The following CACNA1C variants were observed in gnomAD, a reference collection of about 807,000 sequenced individuals.
The protein encoded by CACNA1C is voltage-dependent L-type calcium channel subunit alpha-1C.
Under a neutral mutation model 229.0 loss-of-function variants are expected in CACNA1C, and 30 were observed. That is an observed-to-expected ratio of 0.13 (90% CI 0.10 to 0.18). The LOEUF (loss-of-function observed/expected upper bound fraction) is 0.18, where lower values mean the gene tolerates loss of function less well. CACNA1C is among the 10% of genes least tolerant of loss of function. The pLI, the probability that CACNA1C is intolerant of heterozygous loss-of-function variation, is 1.00. For synonymous variants in CACNA1C, 1,114 were observed against 1,132.5 expected (o/e 0.98, Z 0.33); for missense variants, 1,658 against 2,845.0 (o/e 0.58, Z 9.49).
upstream of CACNA1C, among the ~76,000 whole-genome samples, chr12:2,050,352 AATGGGGATAATC>A (rs1680885902): frequency 6.6e-6 from 1 of 152,164 alleles, no homozygotes; most frequent in Non-Finnish European, 1.5e-5. Flanking sequence ...ATATCTGTAA[AATGGGGATAATC>A]ATGACGATAA....
chr12:2,431,723 A>G (rs922696992), intron 3 of CACNA1C, among the ~76,000 whole-genome samples: 2 of 152,180 alleles, frequency 1.3e-5, no homozygotes, highest in Admixed American at 1.3e-4. Context: ...TTTGGCCTGT[A>G]TGAGAGGGAT....
chr12:1,998,086 A>G (rs1445381282), intron 1 of CACNA1C: 11 of 827,184 alleles, frequency 1.3e-5, no homozygotes, highest in Non-Finnish European at 2.0e-5. Flanking sequence ...TGGGCCAAAT[A>G]TACCCAACAT....
intron 3 of CACNA1C, among the ~76,000 whole-genome samples, chr12:2,235,841 A>T (rs953294103): frequency 6.6e-6 from 1 of 152,154 alleles, no homozygotes; most frequent in African/African-American, 2.4e-5. Flanking sequence ...TCCACTTTGC[A>T]TCCATCCTCC....
chr12:2,256,090 C>CTATCCTGACCTGA (rs142296568), intron 3 of CACNA1C, among the ~76,000 whole-genome samples: 6 of 34,884 alleles, frequency 1.7e-4, no homozygotes, highest in East Asian at 1.0e-3. Flanking sequence ...TACAATCACA[C>CTATCCTGACCTGA]CTCCTGTTTC....
rs555646629 is a variant in CACNA1C, at chr12:2,004,154, C to A, written c.139+32953C>A. Reference sequence around the variant, plus strand: ...CCATCTCCACAACTTCGGCCTCAGTCCCCAGATCCACCCACTTCCAGGGCG... The same window carrying A: ...CCATCTCCACAACTTCGGCCTCAGTACCCAGATCCACCCACTTCCAGGGCG... On this transcript the variant is annotated intron_variant, in intron 1 of 46. Transcript: ENST00000682462. 4 of 1,395,166 alleles carry A rather than the reference C, an allele frequency of 2.9e-6. No homozygotes were observed. In the African/African-American group the frequency reaches 4.3e-5, roughly 15 times the overall value. 86.4% of individuals were successfully genotyped at this position (1,395,166 alleles called of 1,614,324 possible).
At chr12:2,109,639 G>A (rs1283187255) in intron 1 of CACNA1C, among the ~76,000 whole-genome samples, 1 of 152,160 alleles carries the variant, frequency 6.6e-6, no homozygotes, top group East Asian at 1.9e-4. Context: ...GAATGACAGG[G>A]CCCAATTTAC....
At chr12:2,127,415 C>T (rs1222231427) in intron 3 of CACNA1C, among the ~76,000 whole-genome samples, 1 of 152,196 alleles carries the variant, frequency 6.6e-6, no homozygotes, top group Non-Finnish European at 1.5e-5. Flanking sequence ...CATGCATCAA[C>T]AATAATGATG....
intron 5 of CACNA1C, among the ~76,000 whole-genome samples, chr12:2,474,631 C>T (rs1331269887): frequency 7.2e-5 from 11 of 151,974 alleles, no homozygotes; most frequent in Admixed American, 7.2e-4. Context: ...TGGCACACGC[C>T]GGTAATCCCA....
chr12:2,245,299 T>C (rs1020299719), intron 3 of CACNA1C, among the ~76,000 whole-genome samples: 2 of 152,156 alleles, frequency 1.3e-5, no homozygotes, highest in Non-Finnish European at 2.9e-5. Flanking sequence ...CATTCTCAGC[T>C]CCATTCTCCA....
intron 34 of CACNA1C, among the ~76,000 whole-genome samples, chr12:2,656,364 ATACT>A (rs547528671): frequency 6.6e-6 from 1 of 152,326 alleles, no homozygotes; most frequent in South Asian, 2.1e-4. Flanking sequence ...CTAAAATAAA[ATACT>A]TAGGAATAAA....
At chr12:2,405,669 C>A (rs2098729916) in intron 3 of CACNA1C, among the ~76,000 whole-genome samples, 1 of 152,074 alleles carries the variant, frequency 6.6e-6, no homozygotes, top group Non-Finnish European at 1.5e-5. Flanking sequence ...TTTTTTCCAG[C>A]CCAAATGAAG....
chr12:2,625,315 T>C (rs927412126), intron 29 of CACNA1C, among the ~76,000 whole-genome samples: 11 of 152,188 alleles, frequency 7.2e-5, no homozygotes, highest in African/African-American at 2.4e-4. Flanking sequence ...AAAAGCCCGG[T>C]GGGAAAGTAC....
At position 2,504,020 on chromosome 12, in the gene CACNA1C, G is replaced by A. The variant is rs745753803; in HGVS notation, c.1114-822G>A. Among the ~76,000 whole-genome samples the A allele has an allele frequency of 4.6e-5, 7 of 152,228 alleles. No individual in the cohort carries two copies. Among genetic ancestry groups the A allele is most frequent in the Non-Finnish European group, 8.8e-5 (6 of 68,046 alleles). On this transcript the variant is annotated intron_variant, in intron 7 of 46. Transcript: ENST00000399655. The surrounding 1 kb of genome is among the most constrained non-coding windows in gnomAD (Gnocchi z 6.8). ...CAGTTCTCCAGGCCTGTCAGCAGGA[G>A]CTGACGCACTTCATACACCAAGGTC...
At chr12:2,226,125 G>GCGCA (rs1181560271) in intron 3 of CACNA1C, among the ~76,000 whole-genome samples, 72 of 142,876 alleles carry the variant, frequency 5.0e-4, no homozygotes, top group Non-Finnish European at 3.7e-4. Context: ...ATGGGGACGC[G>GCGCA]CACACACACA....
intron 3 of CACNA1C, among the ~76,000 whole-genome samples, chr12:2,151,682 G>A (rs1227025287): frequency 6.6e-6 from 1 of 152,198 alleles, no homozygotes; most frequent in Non-Finnish European, 1.5e-5. Context: ...GAAGAAGGGA[G>A]ATTTTTACCT....
chr12:2,095,774 G>T (rs1222488814), intron 1 of CACNA1C, among the ~76,000 whole-genome samples: 1 of 152,226 alleles, frequency 6.6e-6, no homozygotes, highest in Non-Finnish European at 1.5e-5. Flanking sequence ...ATCCTATGAG[G>T]ACGGAGCGTG....
At chr12:2,617,418 G>A (rs1444546996) in intron 29 of CACNA1C, among the ~76,000 whole-genome samples, 5 of 152,180 alleles carry the variant, frequency 3.3e-5, no homozygotes, top group South Asian at 2.1e-4. Context: ...TCCTAGTGGC[G>A]AGCACCTGGA....
chr12:2,049,037 T>C (rs939149910), upstream of CACNA1C: 15 of 152,256 alleles, frequency 9.9e-5, no homozygotes, highest in African/African-American at 3.4e-4. Context: ...GAAATCATAG[T>C]GCCTGTAATA....
At chr12:2,591,423 C>T (rs1272823279) in intron 18 of CACNA1C, among the ~76,000 whole-genome samples, 1 of 152,158 alleles carries the variant, frequency 6.6e-6, no homozygotes, top group Non-Finnish European at 1.5e-5. Context: ...GCTTCTAGTG[C>T]CAGGCAAAGC....
Sources: allele counts gnomAD v4.1 joint callset (sites outside exome capture counted in the v4.1 genomes callset), GRCh38; gene constraint gnomAD v4.1.1; non-coding constraint Gnocchi (gnomAD v3.1); transcripts MANE v1.5; gene names NCBI Gene and HGNC (gene_info 2026-07-23, HGNC 2026-07-21).